The following CFAP74 variants were observed in gnomAD, a reference collection of about 807,000 sequenced individuals.
CFAP74 encodes the protein cilia- and flagella-associated protein 74.
In CFAP74, 124 loss-of-function variants were observed where a neutral mutation model predicts 188.9. That is an observed-to-expected ratio of 0.66 (90% CI 0.57 to 0.76). The LOEUF (loss-of-function observed/expected upper bound fraction) is 0.76, where lower values mean the gene tolerates loss of function less well. Ranked by LOEUF, CFAP74 falls within the 30% of genes least tolerant of loss-of-function variation. The pLI is 0.00. For missense variants in CFAP74, 2,198 were observed against 2,165.2 expected (o/e 1.02, Z -0.30); for synonymous variants, 956 against 916.7 (o/e 1.04, Z -0.77).
rs539559962 is a variant in CFAP74, at chr1:1,939,108, G to C, written c.2878-120C>G. 4 of 1,086,570 alleles carry C rather than the reference G, an allele frequency of 3.7e-6. No homozygotes were observed. The South Asian group carries it at 6.2e-5, about 17-fold the overall frequency. 67.3% of individuals were successfully genotyped at this position (1,086,570 alleles called of 1,614,324 possible). On this transcript the variant is annotated intron_variant, in intron 24 of 38. Transcript: ENST00000682832. The stretch of plus-strand genomic sequence containing the variant: ...TGATCGTGTGTGAGCGAATGTGAGG[G>C]TGAGAGTGTCGCTGTCAACGAGTGT...
At chr1:1,992,961 G>A (rs1004168731) in intron 1 of CFAP74, among the ~76,000 whole-genome samples, 1 of 151,492 alleles carries the variant, frequency 6.6e-6, no homozygotes, top group Non-Finnish European at 1.5e-5. Flanking sequence ...AGCACTTTGG[G>A]AGGCCAAGGT....
At chr1:1,991,279 C>T (rs550437598) in intron 1 of CFAP74, among the ~76,000 whole-genome samples, 2 of 152,172 alleles carry the variant, frequency 1.3e-5, no homozygotes, top group East Asian at 1.9e-4. Context: ...AGTTCCAGAC[C>T]AGCCTGGCCA....
intron 24 of CFAP74, 100 bp from the exon 25 acceptor site, chr1:1,939,088 G>T: frequency 8.0e-7 from 1 of 1,246,876 alleles, no homozygotes; most frequent in Non-Finnish European, 1.1e-6. Flanking sequence ...GAGTGTGATC[G>T]TGTGTGAGCG....
In CFAP74 at chr1:1,956,600, T is replaced by C; in HGVS notation, c.2016+20A>G. ...GGGGGCAGGTCCCCACACTCCCCCATGGCTGAGTGGCACACTCACTAATTT... is the reference window on the plus strand; with the variant it reads ...GGGGGCAGGTCCCCACACTCCCCCACGGCTGAGTGGCACACTCACTAATTT... On this transcript the variant is annotated intron_variant, in intron 17 of 38. Coordinates refer to ENST00000682832, the MANE Select transcript of CFAP74 (RefSeq NM_001304360.2). The C allele has an allele frequency of 6.2e-7, 1 of 1,614,012 alleles. No individual in the cohort carries two copies. Among genetic ancestry groups the C allele is most frequent in the Non-Finnish European group, 8.5e-7 (1 of 1,179,962 alleles).
intron 32 of CFAP74, 35 bp downstream of exon 32, chr1:1,926,193 G>C (rs1251361855): frequency 6.8e-7 from 1 of 1,474,590 alleles, no homozygotes; most frequent in Non-Finnish European, 9.0e-7. Context: ...GGGAGCCTTG[G>C]GCCGCAGTGT....
rs759733982 is a variant in CFAP74 at position 1,988,882 on chromosome 1, G to A, written c.152+7C>T. 4.0e-5 allele frequency: 48 copies of A among 1,190,276 alleles called. No individual in the cohort carries two copies. In the African/African-American group the frequency reaches 4.0e-4, roughly 10 times the overall value. The allele number at this position is 1,190,276 out of a possible 1,614,324, so 73.7% of individuals were successfully genotyped here. A position where few individuals can be genotyped will look rare whatever the true frequency, so the allele number is the denominator to read the frequency against. Reference sequence around the variant, plus strand: ...CACCCACCTCCACCCCCGATCCTCCGAGTTACCTGCTGTGTCCCGGGTCCA... The same window carrying A: ...CACCCACCTCCACCCCCGATCCTCCAAGTTACCTGCTGTGTCCCGGGTCCA... On this transcript the variant is annotated splice_region_variant and intron_variant, in intron 3 of 38. Coordinates refer to ENST00000682832, the MANE Select transcript of CFAP74 (RefSeq NM_001304360.2).
chr1:1,985,430 C>G lies in CFAP74; in HGVS notation c.456G>C (p.Glu152Asp). 6.2e-7 allele frequency: 1 copy of G among 1,614,114 alleles called. No individual in the cohort carries two copies. Among genetic ancestry groups the G allele is most frequent in the Non-Finnish European group, 8.5e-7 (1 of 1,180,042 alleles). Residue 152 changes from glutamate to aspartate, a missense_variant, in exon 6 of 39, where the codon GAG (glutamate) becomes GAC (aspartate). Transcript: ENST00000682832. Reference protein sequence around the residue: ...SRRLFAELENERDLQSRTEAV... With the variant: ...SRRLFAELENDRDLQSRTEAV... ...CCTCAGTCCTCGACTGCAGGTCTCT[C>G]TCGTTCTCCAGCTCTGCAAACAGGC...
At chr1:1,965,422 G>C (rs1463437386) in intron 12 of CFAP74, among the ~76,000 whole-genome samples, 4 of 152,232 alleles carry the variant, frequency 2.6e-5, no homozygotes, top group Non-Finnish European at 4.4e-5. Flanking sequence ...GGTTTTGAAA[G>C]GTTCTGCAGG....
chr1:1,954,976 G>C, intron 18 of CFAP74: 3 of 1,209,370 alleles, frequency 2.5e-6, no homozygotes, highest in East Asian at 5.8e-5. Flanking sequence ...TCTAGAACCC[G>C]AGGCTCTCTC....
At chr1:1,936,024 C>T (rs999710311) in intron 25 of CFAP74, among the ~76,000 whole-genome samples, 5 of 149,592 alleles carry the variant, frequency 3.3e-5, no homozygotes, top group Non-Finnish European at 7.4e-5. Flanking sequence ...TTGAAACCAG[C>T]CTGACCAACG....
Position 1,923,970 on chromosome 1 carries a change from C to G in CFAP74, c.4235-41G>C. The G allele has an allele frequency of 6.3e-7, 1 of 1,575,688 alleles. No homozygotes were observed. The highest frequency in any genetic ancestry group is 8.6e-7 in the Non-Finnish European group (1 of 1,159,848). On this transcript the variant is annotated intron_variant, in intron 34 of 38. Coordinates refer to ENST00000682832, the MANE Select transcript of CFAP74 (RefSeq NM_001304360.2). The surrounding 1 kb of genome is among the most constrained non-coding windows in gnomAD (Gnocchi z 6.3). ...GGTGCAGTTTGGCCTTCTCCACCTG[C>G]AATCACTGTCTGCCCTCCAAGCCTT...
chr1:1,932,824 C>T (rs1322767965), intron 25 of CFAP74, among the ~76,000 whole-genome samples: 2 of 151,570 alleles, frequency 1.3e-5, no homozygotes, highest in African/African-American at 2.4e-5. Context: ...GATCTCCTGA[C>T]CTCGTGATCT....
At chr1:1,959,310 G>T in intron 15 of CFAP74, 101 bp from the exon 16 acceptor site, 1 of 773,696 alleles carries the variant, frequency 1.3e-6, no homozygotes, top group Non-Finnish European at 2.1e-6. Context: ...AGGCTGGGGT[G>T]CAGTGGCACC....
chr1:1,946,974 G>C lies in CFAP74; in HGVS notation c.2241+16C>G, dbSNP rs758484820. The C allele has an allele frequency of 2.6e-6, 4 of 1,530,454 alleles. No homozygotes were observed. In the South Asian group the frequency reaches 4.8e-5, roughly 18 times the overall value. 94.8% of individuals were successfully genotyped at this position (1,530,454 alleles called of 1,614,324 possible). On this transcript the variant is annotated intron_variant, in intron 19 of 38. Transcript: ENST00000682832. ...CTTGGATCGTGGCAGCTATTTTAGG[G>C]CCTGAGCTGGCTGACCTCCCCCAGC...
chr1:1,924,635 G>A (rs1219401800), intron 33 of CFAP74, 115 bp from the exon 34 acceptor site: 34 of 1,243,942 alleles, frequency 2.7e-5, no homozygotes, highest in Non-Finnish European at 3.5e-5. Context: ...GTGGGGACCC[G>A]GGTGGCCTGA....
chr1:1,962,064 G>A (rs535504107), intron 14 of CFAP74, among the ~76,000 whole-genome samples: 4 of 152,282 alleles, frequency 2.6e-5, no homozygotes, highest in South Asian at 2.1e-4. Flanking sequence ...CAACGCTCGC[G>A]GGAGTGGAAA....
intron 1 of CFAP74, among the ~76,000 whole-genome samples, chr1:1,998,327 G>A (rs1391604219): frequency 1.3e-5 from 2 of 152,038 alleles, no homozygotes; most frequent in African/African-American, 2.4e-5. Flanking sequence ...ATGATTTTGT[G>A]GTTATGCTAA....
Position 1,974,295 on chromosome 1 carries a change from T to A in CFAP74, c.501-97A>T, listed in dbSNP as rs375828304. 2.1e-4 allele frequency: 268 copies of A among 1,276,222 alleles called. 1 individual carries two copies. The African/African-American group carries it at 3.8e-3, about 18-fold the overall frequency. The allele number at this position is 1,276,222 out of a possible 1,614,324, so 79.1% of individuals were successfully genotyped here. A position where few individuals can be genotyped will look rare whatever the true frequency, so the allele number is the denominator to read the frequency against. On this transcript the variant is annotated intron_variant, in intron 6 of 38. Coordinates refer to ENST00000682832, the MANE Select transcript of CFAP74 (RefSeq NM_001304360.2). ...TTCTGACAAATCCTCCAGGCAGATGTTGAACACCCCAGATGGGTTAGCTCC... is the reference window on the plus strand; with the variant it reads ...TTCTGACAAATCCTCCAGGCAGATGATGAACACCCCAGATGGGTTAGCTCC...
At chr1:1,930,482 C>T (rs1652290101) in intron 25 of CFAP74, 146 bp from the exon 26 acceptor site, 1 of 768,110 alleles carries the variant, frequency 1.3e-6, no homozygotes, top group Non-Finnish European at 2.0e-6. Context: ...GGTCACTGCG[C>T]CGCTGACAAG....
Sources: allele counts gnomAD v4.1 joint callset (sites outside exome capture counted in the v4.1 genomes callset), GRCh38; gene constraint gnomAD v4.1.1; non-coding constraint Gnocchi (gnomAD v3.1); transcripts MANE v1.5; gene names NCBI Gene and HGNC (gene_info 2026-07-23, HGNC 2026-07-21).